Variants in DCAF8L2 observed in about 807,000 individuals in gnomAD.
The protein encoded by DCAF8L2 is DDB1 and CUL4 associated factor 8 like 2, also known as DDB1- and CUL4-associated factor 8-like protein 2.
For synonymous variants in DCAF8L2, 200 were observed against 190.9 expected (o/e 1.05, Z -0.39); for missense variants, 430 against 490.7 (o/e 0.88, Z 1.17).
the DCAF8L2 span, among the ~76,000 whole-genome samples, chrX:27,568,765 T>C: frequency 5.3e-4 from 57 of 108,207 alleles, no homozygotes; most frequent in Non-Finnish European, 9.4e-4. Context: ...TGGTGTGCTG[T>C]ACCCATTAAC....
At chrX:27,489,379 G>C in the DCAF8L2 span, among the ~76,000 whole-genome samples, 1 of 112,617 alleles carries the variant, frequency 8.9e-6, no homozygotes, top group Non-Finnish European at 1.9e-5. Flanking sequence ...TTACAGGCGT[G>C]AGCCACCACG....
At chrX:27,501,409 TTA>T in the DCAF8L2 span, among the ~76,000 whole-genome samples, 2 of 110,738 alleles carry the variant, frequency 1.8e-5, no homozygotes, top group Non-Finnish European at 3.8e-5. Flanking sequence ...TTCGACATGA[TTA>T]TGACTTTGCC....
chrX:27,739,013 C>A (rs1000161399), intron 4 of DCAF8L2, among the ~76,000 whole-genome samples: 1 of 111,021 alleles, frequency 9.0e-6, no homozygotes, highest in Non-Finnish European at 1.9e-5. Flanking sequence ...TTAAGACTTT[C>A]AGAAATTTCT....
chrX:27,550,013 A>G, the DCAF8L2 span, among the ~76,000 whole-genome samples: 1 of 111,876 alleles, frequency 8.9e-6, no homozygotes, highest in Non-Finnish European at 1.9e-5. Context: ...TTGCAGTTCA[A>G]TTTCCCTTTC....
At chrX:27,615,520 T>TATCA (rs1165093096) in intron 1 of DCAF8L2, among the ~76,000 whole-genome samples, 2 of 82,563 alleles carry the variant, frequency 2.4e-5, no homozygotes, top group Non-Finnish European at 4.8e-5. Flanking sequence ...TAGTAGATTC[T>TATCA]ATCAATCTAT....
the DCAF8L2 span, among the ~76,000 whole-genome samples, chrX:27,527,893 C>G: frequency 1.8e-5 from 2 of 108,725 alleles, no homozygotes; most frequent in East Asian, 5.8e-4. Flanking sequence ...CTCAGGTGGT[C>G]AGCCCATCTT....
At chrX:27,566,709 ATAT>A in the DCAF8L2 span, among the ~76,000 whole-genome samples, 1 of 109,608 alleles carries the variant, frequency 9.1e-6, no homozygotes, top group Non-Finnish European at 1.9e-5. Flanking sequence ...CTATTTTTTA[ATAT>A]TCTCAATTTT....
At chrX:27,639,682 AT>A (rs981029654) in intron 2 of DCAF8L2, among the ~76,000 whole-genome samples, 17 of 110,799 alleles carry the variant, frequency 1.5e-4, no homozygotes, top group African/African-American at 4.3e-4. Context: ...GTTTTTATTA[AT>A]TTTTTTTCAA....
chrX:27,745,095 G>T (rs1253624752), intron 4 of DCAF8L2, among the ~76,000 whole-genome samples: 2 of 111,518 alleles, frequency 1.8e-5, no homozygotes, highest in Non-Finnish European at 3.8e-5. Flanking sequence ...AAGACCCCTT[G>T]TTTATGAACA....
intron 1 of DCAF8L2, among the ~76,000 whole-genome samples, chrX:27,601,470 C>A (rs1040815773): frequency 8.9e-6 from 1 of 111,756 alleles, no homozygotes; most frequent in African/African-American, 3.2e-5. Context: ...GAGGCCGAGG[C>A]GGGTGGATTG....
At chrX:27,585,712 T>C (rs1404400821), upstream of DCAF8L2, among the ~76,000 whole-genome samples, 1 of 111,920 alleles carries the variant, frequency 8.9e-6, no homozygotes, top group Admixed American at 9.5e-5. Context: ...TTGCCTGTTA[T>C]ATAGCTACCA....
intron 2 of DCAF8L2, among the ~76,000 whole-genome samples, chrX:27,670,805 C>T (rs1929926572): frequency 9.0e-6 from 1 of 110,920 alleles, no homozygotes; most frequent in African/African-American, 3.3e-5. Context: ...AGAGCCTGAC[C>T]TCCTCCTGTC....
the DCAF8L2 span, among the ~76,000 whole-genome samples, chrX:27,488,804 C>T: frequency 2.9e-3 from 323 of 109,898 alleles, no homozygotes; most frequent in African/African-American, 9.8e-3. Context: ...TACAGGCACG[C>T]GCCACCATGT....
intron 2 of DCAF8L2, among the ~76,000 whole-genome samples, chrX:27,637,082 C>G (rs1270679844): frequency 1.8e-5 from 2 of 111,940 alleles, no homozygotes; most frequent in Non-Finnish European, 3.8e-5. Context: ...ACTTTCTGAG[C>G]AGCAAAAAAT....
At chrX:27,477,975 C>A in the DCAF8L2 span, among the ~76,000 whole-genome samples, 1 of 111,228 alleles carries the variant, frequency 9.0e-6, no homozygotes, top group African/African-American at 3.3e-5. Flanking sequence ...TGCCATGACC[C>A]CATTGATTTA....
the DCAF8L2 span, among the ~76,000 whole-genome samples, chrX:27,509,943 TAA>T: frequency 9.0e-6 from 1 of 111,553 alleles, no homozygotes; most frequent in Admixed American, 9.6e-5. Context: ...AAAAAATAAA[TAA>T]GAGGCACTTT....
At chrX:27,720,359 G>GATT (rs1250710748) in intron 4 of DCAF8L2, among the ~76,000 whole-genome samples, 2 of 108,522 alleles carry the variant, frequency 1.8e-5, no homozygotes, top group South Asian at 3.6e-4. Context: ...AGCTATTGTA[G>GATT]ATTATTATTA....
intron 4 of DCAF8L2, among the ~76,000 whole-genome samples, chrX:27,729,274 C>T (rs1361405593): frequency 9.0e-6 from 1 of 111,081 alleles, no homozygotes; most frequent in Admixed American, 9.6e-5. Context: ...TCAATACAAT[C>T]CACTCATTTT....
the DCAF8L2 span, among the ~76,000 whole-genome samples, chrX:27,473,772 T>C: frequency 9.0e-6 from 1 of 111,526 alleles, no homozygotes; most frequent in Non-Finnish European, 1.9e-5. Context: ...AAATTATACA[T>C]GTCTAATTAT....
Sources: allele counts gnomAD v4.1 joint callset (sites outside exome capture counted in the v4.1 genomes callset), GRCh38; gene constraint gnomAD v4.1.1; transcripts MANE v1.5; gene names NCBI Gene and HGNC (gene_info 2026-07-23, HGNC 2026-07-21).